ADAM9: variants seen among roughly 807,000 people sequenced by gnomAD.
The protein encoded by ADAM9 is ADAM metallopeptidase domain 9, also known as disintegrin and metalloproteinase domain-containing protein 9.
ADAM9 carries 54 observed loss-of-function variants against 108.1 expected under a neutral mutation model. The observed-to-expected ratio is 0.50, with a 90% CI of 0.40 to 0.63. The LOEUF (loss-of-function observed/expected upper bound fraction) is 0.63. Among genes scored for constraint, ADAM9 ranks in the 20% least tolerant of loss-of-function variants. The probability of loss-of-function intolerance (pLI) is 0.00; values close to 1 mark genes in which losing one functional copy is unlikely to be tolerated. For missense variants in ADAM9, 830 were observed against 997.7 expected (o/e 0.83, Z 2.26); for synonymous variants, 316 against 336.0 (o/e 0.94, Z 0.65).
At chr8:39,083,138 C>T (rs1032626043) in intron 18 of ADAM9, 65 bp downstream of exon 18, 60 of 1,181,908 alleles carry the variant, frequency 5.1e-5, no homozygotes, top group Admixed American at 8.7e-5. Context: ...TGGGCATCCT[C>T]GTACCTCTCC....
chr8:39,012,450 A>G (rs1180276931), intron 3 of ADAM9, among the ~76,000 whole-genome samples: 2 of 152,242 alleles, frequency 1.3e-5, no homozygotes, highest in Non-Finnish European at 2.9e-5. Flanking sequence ...TACTGGGTAT[A>G]TACCCAATAG....
At position 39,055,539 on chromosome 8, in the gene ADAM9, C is replaced by T. The variant is rs776172904; in HGVS notation, c.1396-38C>T. 4 of 1,590,772 alleles carry T rather than the reference C, an allele frequency of 2.5e-6. No homozygotes were observed. The Admixed American group carries it at 6.7e-5, about 27-fold the overall frequency. On this transcript the variant is annotated intron_variant, in intron 13 of 21. Coordinates refer to ENST00000487273, the MANE Select transcript of ADAM9 (RefSeq NM_003816.3). ...CATTTGATTAATTTGTGGACATTAT[C>T]CTGATATTTCTGTTTAATTTGAATT...
intron 1 of ADAM9, among the ~76,000 whole-genome samples, chr8:39,006,180 C>T (rs1836155612): frequency 6.6e-6 from 1 of 152,168 alleles, no homozygotes. Flanking sequence ...GAAAGCACAA[C>T]ATTCCAGTCA....
intron 6 of ADAM9, among the ~76,000 whole-genome samples, chr8:39,017,929 C>G (rs1188024588): frequency 1.3e-5 from 2 of 152,204 alleles, no homozygotes; most frequent in Non-Finnish European, 2.9e-5. Flanking sequence ...TTAGACAACT[C>G]AAATGGTGAT....
chr8:39,007,397 A>C (rs575932881), intron 1 of ADAM9, among the ~76,000 whole-genome samples: 3 of 152,346 alleles, frequency 2.0e-5, no homozygotes, highest in African/African-American at 7.2e-5. Flanking sequence ...GGAGAAGTCA[A>C]ACATACAAAC....
chr8:39,080,110 G>A (rs2129442135), intron 16 of ADAM9, among the ~76,000 whole-genome samples: 1 of 152,028 alleles, frequency 6.6e-6, no homozygotes, highest in East Asian at 1.9e-4. Flanking sequence ...ATTTATTTGT[G>A]TGTGGGGTGT....
At chr8:39,046,740 G>A (rs1350461537) in intron 12 of ADAM9, among the ~76,000 whole-genome samples, 1 of 151,470 alleles carries the variant, frequency 6.6e-6, no homozygotes, top group Non-Finnish European at 1.5e-5. Flanking sequence ...CCTTCATTTT[G>A]TTAATGTGGT....
At chr8:39,099,544 A>G (rs1564390328) in intron 20 of ADAM9, among the ~76,000 whole-genome samples, 1 of 152,222 alleles carries the variant, frequency 6.6e-6, no homozygotes, top group Non-Finnish European at 1.5e-5. Context: ...CCAGAAATTT[A>G]AAAACAGGTT....
At chr8:39,045,122 GTGTGCATACATACATATATGTGTATATA>G (rs1564297775) in intron 12 of ADAM9, among the ~76,000 whole-genome samples, 25 of 67,888 alleles carry the variant, frequency 3.7e-4, no homozygotes, top group South Asian at 8.3e-4. Context: ...ACATATGTGT[GTGTGCATACATACATATATGTGTATATA>G]TGTGTATACA....
At position 39,013,945 on chromosome 8, in the gene ADAM9, G is replaced by A; in HGVS notation, c.255-20G>A. The A allele has an allele frequency of 6.4e-7, 1 of 1,573,450 alleles. No homozygotes were observed. Among genetic ancestry groups the A allele is most frequent in the East Asian group, 2.2e-5 (1 of 44,614 alleles). On this transcript the variant is annotated intron_variant, in intron 3 of 21. Transcript: ENST00000487273. ...TAGATAGATAACATATATATAAACG[G>A]TGTTTTATTTCTCTTCCAGAGACCT...
At chr8:39,028,370 A>G (rs1205758923) in intron 11 of ADAM9, among the ~76,000 whole-genome samples, 1 of 152,234 alleles carries the variant, frequency 6.6e-6, no homozygotes, top group African/African-American at 2.4e-5. Context: ...CTTCATAAAA[A>G]AAAAATTAGG....
At chr8:39,027,398 A>G (rs1052111811) in intron 11 of ADAM9, among the ~76,000 whole-genome samples, 9 of 152,202 alleles carry the variant, frequency 5.9e-5, no homozygotes, top group Non-Finnish European at 1.0e-4. Context: ...AGCTCTTTTT[A>G]TGTACAGGCA....
In ADAM9 at chr8:39,105,252, C is replaced by A; in HGVS notation, c.*1552C>A. 2.4e-6 allele frequency: 1 copy of A among 419,996 alleles called. No individual in the cohort carries two copies. Among genetic ancestry groups the A allele is most frequent in the Admixed American group, 3.0e-5 (1 of 33,154 alleles). 26.0% of individuals were successfully genotyped at this position (419,996 alleles called of 1,614,324 possible). On this transcript the variant is annotated 3_prime_UTR_variant, in exon 22 of 22. Transcript: ENST00000487273. Reference sequence around the variant, plus strand: ...AAGTATACATATTAAAAATTGTGAGCAATCTCAAATGAAGGTCCATCGTTT... The same window carrying A: ...AAGTATACATATTAAAAATTGTGAGAAATCTCAAATGAAGGTCCATCGTTT...
In ADAM9 at chr8:39,023,280, A is replaced by G. The variant is rs1268759598; in HGVS notation, c.869A>G (p.Lys290Arg). ...GGGAACTTCGTGCAGTGGCGGGAAA[A>G]GTTTCTTATCACACGTCGGAGACAT... is the stretch of plus-strand genomic sequence containing the variant. The part of the protein sequence containing the change: ...VLGNFVQWRE[K>R]FLITRRRHDS... Residue 290 changes from lysine to arginine, a missense_variant, in exon 9 of 22, where the codon AAG becomes AGG. Lys to Arg is a conservative substitution (Grantham distance 26). Transcript: ENST00000487273. 1.2e-6 allele frequency: 2 copies of G among 1,613,274 alleles called. No homozygotes were observed. Among genetic ancestry groups the G allele is most frequent in the African/African-American group, 1.3e-5 (1 of 74,826 alleles).
At chr8:39,008,091 C>A in intron 2 of ADAM9, 108 bp downstream of exon 2, 1 of 823,604 alleles carries the variant, frequency 1.2e-6, no homozygotes, top group Non-Finnish European at 2.0e-6. Context: ...TATTACTTGG[C>A]TGTTACTTAG....
chr8:39,000,482 G>T lies in ADAM9; in HGVS notation c.97+3322G>T, dbSNP rs116649593. Reference sequence around the variant, plus strand: ...ACATCTTTTTTTTTTCTTTCTGAGAGACAGGGTCTTGCTCTGTTGCCCAGG... The same window carrying T: ...ACATCTTTTTTTTTTCTTTCTGAGATACAGGGTCTTGCTCTGTTGCCCAGG... On this transcript the variant is annotated intron_variant, in intron 1 of 21. Coordinates refer to ENST00000487273, the MANE Select transcript of ADAM9 (RefSeq NM_003816.3). Among the ~76,000 whole-genome samples, 601 of 151,716 alleles carry T rather than the reference G, an allele frequency of 4.0e-3. 8 individuals carry two copies. Among genetic ancestry groups the T allele is most frequent in the Middle Eastern group, 0.024 (7 of 294 alleles).
chr8:39,104,782 T>TTATC lies in ADAM9; in HGVS notation c.*1083_*1086dup. 2.2e-6 allele frequency: 1 copy of TTATC among 453,868 alleles called. No individual in the cohort carries two copies. The highest frequency in any genetic ancestry group is 4.4e-6 in the Non-Finnish European group (1 of 226,640). The allele number at this position is 453,868 out of a possible 1,614,324, so 28.1% of individuals were successfully genotyped here. A position where few individuals can be genotyped will look rare whatever the true frequency, so the allele number is the denominator to read the frequency against. On this transcript the variant is annotated 3_prime_UTR_variant, in exon 22 of 22. Coordinates refer to ENST00000487273, the MANE Select transcript of ADAM9 (RefSeq NM_003816.3). ...AAAAAGTTACTGTGGTATCTATGAG[T>TTATC]TATCATCTTAGCTGTGTTAAAAATG... is the stretch of plus-strand genomic sequence containing the variant.
In ADAM9 at chr8:39,055,709, G is replaced by A. The variant is rs769316562; in HGVS notation, c.1528G>A (p.Ala510Thr). The change falls in exon 14 of 22, where the codon GCC (alanine) becomes ACC (threonine). Residue 510 changes from alanine to threonine, a missense_variant. By Grantham distance (58) the Ala-to-Thr change is moderately conservative. Coordinates refer to ENST00000487273, the MANE Select transcript of ADAM9 (RefSeq NM_003816.3). The stretch of plus-strand genomic sequence containing the variant: ...TGGATATCCTTGCCAGAATAACAAA[G>A]CCTATTGCTACAACGGCATGTGCCA... ...QNGYPCQNNK[A>T]YCYNGMCQYY... 6.2e-6 allele frequency: 10 copies of A among 1,613,594 alleles called. No individual in the cohort carries two copies. Among genetic ancestry groups the A allele is most frequent in the Admixed American group, 1.7e-5 (1 of 59,934 alleles).
intron 20 of ADAM9, among the ~76,000 whole-genome samples, chr8:39,099,007 ACT>A (rs545023074): frequency 1.4e-4 from 22 of 152,114 alleles, no homozygotes; most frequent in Non-Finnish European, 2.9e-4. Context: ...TGGTCCCCAA[ACT>A]CTTATGAGGA....
Sources: allele counts gnomAD v4.1 joint callset (sites outside exome capture counted in the v4.1 genomes callset), GRCh38; gene constraint gnomAD v4.1.1; transcripts MANE v1.5; gene names NCBI Gene and HGNC (gene_info 2026-07-23, HGNC 2026-07-21).